GNAQ: variants seen among roughly 807,000 people sequenced by gnomAD.
GNAQ encodes G protein subunit alpha q.
In GNAQ, 8 loss-of-function variants were observed where a neutral mutation model predicts 43.9. The observed-to-expected ratio is 0.18, with a 90% CI of 0.11 to 0.33. GNAQ has a LOEUF of 0.33. Among genes scored for constraint, GNAQ ranks in the 10% least tolerant of loss-of-function variants. The probability of loss-of-function intolerance (pLI) is 1.00; values close to 1 mark genes in which losing one functional copy is unlikely to be tolerated. For missense variants in GNAQ, 158 were observed against 450.8 expected (o/e 0.35, Z 5.88); for synonymous variants, 155 against 170.7 (o/e 0.91, Z 0.71).
At chr9:77,748,312 CA>C (rs973760090) in intron 5 of GNAQ, among the ~76,000 whole-genome samples, 1 of 152,090 alleles carries the variant, frequency 6.6e-6, no homozygotes, top group Non-Finnish European at 1.5e-5. Context: ...AAAATCTAGG[CA>C]ATGAAAGTAG....
chr9:77,879,543 C>G (rs58171170), intron 2 of GNAQ, among the ~76,000 whole-genome samples: 1 of 152,238 alleles, frequency 6.6e-6, no homozygotes, highest in Middle Eastern at 3.2e-3. Flanking sequence ...AGCCACCACG[C>G]CCAGCCGATG....
chr9:77,935,402 T>C (rs1205312872), intron 1 of GNAQ, among the ~76,000 whole-genome samples: 1 of 152,200 alleles, frequency 6.6e-6, no homozygotes, highest in Non-Finnish European at 1.5e-5. Context: ...CATAAAGAGA[T>C]GCATTAGGAA....
At chr9:77,832,436 C>G (rs1379301031) in intron 2 of GNAQ, among the ~76,000 whole-genome samples, 1 of 152,058 alleles carries the variant, frequency 6.6e-6, no homozygotes, top group East Asian at 1.9e-4. Context: ...ATGTGGTGCA[C>G]TTGGAAGAGG....
At position 77,719,198 on chromosome 9, in the gene GNAQ, TAAAAA is replaced by T. The variant is rs35947569; in HGVS notation, c.*2120_*2124del. 3 of 231,476 alleles carry T rather than the reference TAAAAA, an allele frequency of 1.3e-5. No individual in the cohort carries two copies. Among genetic ancestry groups the T allele is most frequent in the Non-Finnish European group, 2.6e-5 (3 of 117,140 alleles). 14.3% of individuals were successfully genotyped at this position (231,476 alleles called of 1,614,324 possible). A position where few individuals can be genotyped will look rare whatever the true frequency, so the allele number is the denominator to read the frequency against. ...CTGACAAATTTACATTCTCCTCTCT[TAAAAA>T]AGTAAATAAAATAACATTATTCAAA... On this transcript the variant is annotated 3_prime_UTR_variant, in exon 7 of 7. Transcript: ENST00000286548.
intron 2 of GNAQ, among the ~76,000 whole-genome samples, chr9:77,896,939 G>A (rs1467820723): frequency 6.6e-6 from 1 of 152,208 alleles, no homozygotes; most frequent in Non-Finnish European, 1.5e-5. Flanking sequence ...CACATTGCAT[G>A]GGCAGCTGTG....
chr9:77,794,148 T>C (rs926112554), intron 5 of GNAQ, among the ~76,000 whole-genome samples: 1 of 152,200 alleles, frequency 6.6e-6, no homozygotes, highest in Non-Finnish European at 1.5e-5. Flanking sequence ...CTCCCAGTTC[T>C]ATCCTGTAGG....
chr9:77,851,886 G>A (rs1245700875), intron 2 of GNAQ, among the ~76,000 whole-genome samples: 2 of 152,158 alleles, frequency 1.3e-5, no homozygotes, highest in Non-Finnish European at 2.9e-5. Flanking sequence ...TATTTTTTCA[G>A]AGGAAGGTTA....
chr9:77,931,504 T>G (rs537595132), intron 1 of GNAQ, among the ~76,000 whole-genome samples: 2 of 151,520 alleles, frequency 1.3e-5, no homozygotes, highest in Admixed American at 1.3e-4. Flanking sequence ...GGCAGGAGGA[T>G]GGCGTGAGCC....
intron 2 of GNAQ, among the ~76,000 whole-genome samples, chr9:77,908,578 C>A (rs1828750065): frequency 6.6e-6 from 1 of 152,176 alleles, no homozygotes; most frequent in Non-Finnish European, 1.5e-5. Flanking sequence ...TATATATTGT[C>A]ATTAATGCTC....
At chr9:77,986,243 G>A (rs1424671848) in intron 1 of GNAQ, among the ~76,000 whole-genome samples, 2 of 152,086 alleles carry the variant, frequency 1.3e-5, no homozygotes, top group African/African-American at 4.8e-5. Flanking sequence ...GTTGCTCTAA[G>A]CAACACTATT....
intron 1 of GNAQ, among the ~76,000 whole-genome samples, chr9:77,972,972 CCTTTA>C (rs1411478465): frequency 2.7e-5 from 4 of 148,396 alleles, no homozygotes; most frequent in Non-Finnish European, 6.0e-5. Flanking sequence ...AAAAAAAATT[CCTTTA>C]CTTAAGTAAA....
chr9:77,722,624 CA>C (rs1292584379), intron 6 of GNAQ, among the ~76,000 whole-genome samples: 1 of 146,820 alleles, frequency 6.8e-6, no homozygotes, highest in Non-Finnish European at 1.5e-5. Context: ...TGGACTTCAT[CA>C]AAATTAAAAA....
At chr9:77,968,209 A>C (rs1394004022) in intron 1 of GNAQ, among the ~76,000 whole-genome samples, 1 of 151,728 alleles carries the variant, frequency 6.6e-6, no homozygotes, top group African/African-American at 2.4e-5. Flanking sequence ...TATATGTCAA[A>C]TTTTTTTTTA....
At chr9:77,872,151 T>C (rs1467760305) in intron 2 of GNAQ, among the ~76,000 whole-genome samples, 1 of 152,252 alleles carries the variant, frequency 6.6e-6, no homozygotes, top group African/African-American at 2.4e-5. Context: ...TCAATATTTC[T>C]TGAACATCCA....
intron 1 of GNAQ, among the ~76,000 whole-genome samples, chr9:78,007,053 T>G (rs1393893899): frequency 6.6e-6 from 1 of 152,202 alleles, no homozygotes; most frequent in Admixed American, 6.5e-5. Context: ...GATGACTGGT[T>G]CTACATTCAG....
In GNAQ at chr9:77,718,780, C is replaced by T. The variant is rs550521434; in HGVS notation, c.*2543G>A. ...TGCACCAAATTTAAGAACGCCCTTT[C>T]AGGCAAGCAGTGGTCTCTAGCTGTT... On this transcript the variant is annotated 3_prime_UTR_variant, in exon 7 of 7. Transcript: ENST00000286548. The T allele has an allele frequency of 1.2e-3, 188 of 162,738 alleles. No individual in the cohort carries two copies. The highest frequency in any genetic ancestry group is 4.7e-3 in the Middle Eastern group (2 of 430). The allele number at this position is 162,738 out of a possible 1,614,324, so 10.1% of individuals were successfully genotyped here.
At chr9:78,005,719 G>C (rs1456008400) in intron 1 of GNAQ, among the ~76,000 whole-genome samples, 1 of 152,116 alleles carries the variant, frequency 6.6e-6, no homozygotes, top group African/African-American at 2.4e-5. Flanking sequence ...CTCTAGCCCA[G>C]AGCACTCCAC....
chr9:77,789,678 T>C (rs1826536512), intron 5 of GNAQ, among the ~76,000 whole-genome samples: 1 of 152,198 alleles, frequency 6.6e-6, no homozygotes, highest in Admixed American at 6.5e-5. Flanking sequence ...TATTGCATTA[T>C]ATTAAATACA....
chr9:78,003,118 T>C, intron 1 of GNAQ, among the ~76,000 whole-genome samples: 1 of 152,230 alleles, frequency 6.6e-6, no homozygotes, highest in East Asian at 1.9e-4. Context: ...GTTAAAAGAT[T>C]TGTTTTAGCC....
Sources: gnomAD v4.1 joint callset for allele counts (sites outside exome capture counted in the v4.1 genomes callset) on GRCh38, gnomAD v4.1.1 for gene constraint, MANE v1.5 for transcripts, NCBI Gene and HGNC (gene_info 2026-07-23, HGNC 2026-07-21) for gene names.